The following DMD variants were observed in gnomAD, a reference collection of about 807,000 sequenced individuals.
DMD encodes the protein dystrophin, also known as mutant dystrophin.
In DMD, 63 loss-of-function variants were observed where a neutral mutation model predicts 330.1. The observed-to-expected ratio is 0.19, with a 90% CI of 0.16 to 0.24. The LOEUF is 0.24. Among genes scored for constraint, DMD ranks in the 10% least tolerant of loss-of-function variants. DMD has a pLI of 1.00. For synonymous variants in DMD, 1,223 were observed against 959.8 expected, an observed-to-expected ratio of 1.27 and a Z score of -5.07; for missense variants, 3,344 against 2,684.1, an observed-to-expected ratio of 1.25 and a Z score of -5.43.
intron 42 of DMD, among the ~76,000 whole-genome samples, chrX:32,295,746 C>T (rs1264649094): frequency 8.9e-6 from 1 of 112,009 alleles, no homozygotes; most frequent in African/African-American, 3.2e-5. Flanking sequence ...AGGTATGAAG[C>T]AACCCTTAAC....
intron 9 of DMD, among the ~76,000 whole-genome samples, chrX:32,661,735 A>T (rs1033331804): frequency 6.3e-5 from 7 of 111,396 alleles, no homozygotes; most frequent in African/African-American, 2.3e-4. Flanking sequence ...TTATAATATG[A>T]TTGTATATGG....
At chrX:32,638,633 A>C (rs1381444674) in intron 11 of DMD, among the ~76,000 whole-genome samples, 1 of 112,118 alleles carries the variant, frequency 8.9e-6, no homozygotes. Flanking sequence ...AAAATCAATG[A>C]ACTTACCAAA....
chrX:32,807,534 T>C (rs1311609467), intron 7 of DMD, among the ~76,000 whole-genome samples: 1 of 111,534 alleles, frequency 9.0e-6, no homozygotes, highest in Non-Finnish European at 1.9e-5. Flanking sequence ...ATGGTGATCT[T>C]ATAGGATATA....
chrX:32,503,474 A>G (rs1459557105), intron 18 of DMD, among the ~76,000 whole-genome samples: 1 of 112,600 alleles, frequency 8.9e-6, no homozygotes, highest in Non-Finnish European at 1.9e-5. Context: ...AATTATGTAA[A>G]TGCTTATACA....
At chrX:33,161,557 G>A (rs1462007980) in intron 1 of DMD, among the ~76,000 whole-genome samples, 1 of 111,340 alleles carries the variant, frequency 9.0e-6, no homozygotes, top group Non-Finnish European at 1.9e-5. Context: ...ACTAATGAGT[G>A]ACAACCAGGA....
rs368269067 is a variant in DMD, at chrX:32,786,086, AGTGTGT to A, written c.649+23401_649+23406del. Among the ~76,000 whole-genome samples, 243 of 96,557 alleles carry A rather than the reference AGTGTGT, an allele frequency of 2.5e-3. 1 individual carries two copies. Among genetic ancestry groups the A allele is most frequent in the African/African-American group, 6.0e-3 (154 of 25,826 alleles). 83.8% of individuals were successfully genotyped at this position (96,557 alleles called of 115,157 possible). The stretch of plus-strand genomic sequence containing the variant: ...CTCTTGCCTCTTGAGGAGGAATAAG[AGTGTGT>A]GTGTGTGTGTGTGTGTGTGTGTGTG... On this transcript the variant is annotated intron_variant, in intron 7 of 78. Transcript: ENST00000357033.
At chrX:31,368,575 C>T (rs1209356003) in intron 60 of DMD, among the ~76,000 whole-genome samples, 3 of 111,809 alleles carry the variant, frequency 2.7e-5, no homozygotes, top group Admixed American at 1.9e-4. Flanking sequence ...GAGAATTGCT[C>T]ATCTTTCTTT....
chrX:32,958,944 G>C (rs1264150744), intron 2 of DMD, among the ~76,000 whole-genome samples: 1 of 109,564 alleles, frequency 9.1e-6, no homozygotes, highest in East Asian at 2.9e-4. Context: ...TTTAAAACAG[G>C]CATACAGGAA....
At chrX:32,737,032 A>G (rs1226329900) in intron 7 of DMD, among the ~76,000 whole-genome samples, 2 of 111,487 alleles carry the variant, frequency 1.8e-5, no homozygotes, top group African/African-American at 6.5e-5. Flanking sequence ...TTAAAATATC[A>G]TGCTCATAAA....
chrX:31,655,084 A>C (rs935593096), intron 54 of DMD, among the ~76,000 whole-genome samples: 1 of 111,694 alleles, frequency 9.0e-6, no homozygotes, highest in African/African-American at 3.3e-5. Context: ...AATGTACCCT[A>C]AACTGCTTAA....
At position 32,644,241 on chromosome X, in the gene DMD, C is replaced by T; in HGVS notation, c.1222G>A (p.Gly408Arg). The change falls in exon 11 of 79, where the codon GGA becomes AGA. Residue 408 changes from glycine (G) to arginine (R), a missense_variant. By Grantham distance (125) the Gly-to-Arg change is moderately radical. Transcript: ENST00000357033. ...NILQLGSKLI[G>R]TGKLSEDEET... ...TCATCTTCTGATAATTTTCCTGTTC[C>T]AATCAGCTTACTTCCCAATTGTAGA... The T allele has an allele frequency of 8.3e-7, 1 of 1,210,874 alleles. No homozygotes were observed. Among genetic ancestry groups the T allele is most frequent in the Non-Finnish European group, 1.1e-6 (1 of 894,903 alleles).
At chrX:31,243,361 A>G (rs1299858283) in intron 63 of DMD, among the ~76,000 whole-genome samples, 4 of 111,976 alleles carry the variant, frequency 3.6e-5, no homozygotes, top group African/African-American at 1.3e-4. Context: ...TCCACTAAGG[A>G]TGGATAAAGG....
At chrX:31,406,338 CAT>C (rs1476765225) in intron 60 of DMD, among the ~76,000 whole-genome samples, 2 of 111,122 alleles carry the variant, frequency 1.8e-5, no homozygotes, top group East Asian at 5.6e-4. Flanking sequence ...ACCTCCATGA[CAT>C]GTGTTTACCT....
At chrX:32,736,687 A>G (rs1032063290) in intron 7 of DMD, among the ~76,000 whole-genome samples, 2 of 104,277 alleles carry the variant, frequency 1.9e-5, no homozygotes, top group Non-Finnish European at 3.9e-5. Context: ...AACACCACAT[A>G]TTCTCACTCA....
intron 5 of DMD, among the ~76,000 whole-genome samples, chrX:32,820,167 C>T (rs909024800): frequency 2.7e-5 from 3 of 112,440 alleles, no homozygotes; most frequent in African/African-American, 6.5e-5. Flanking sequence ...GGGCTGGGTG[C>T]GGTGGCTCAC....
At chrX:31,755,542 T>G (rs1426414816) in intron 51 of DMD, among the ~76,000 whole-genome samples, 1 of 111,478 alleles carries the variant, frequency 9.0e-6, no homozygotes, top group Non-Finnish European at 1.9e-5. Flanking sequence ...TACTAAAGTT[T>G]TGCTGTGGTT....
At chrX:31,867,691 C>T (rs982604489) in intron 48 of DMD, among the ~76,000 whole-genome samples, 1 of 110,959 alleles carries the variant, frequency 9.0e-6, no homozygotes, top group Non-Finnish European at 1.9e-5. Flanking sequence ...TTGTATGGGT[C>T]AACTATTATT....
chrX:31,394,953 G>A (rs933240592), intron 60 of DMD, among the ~76,000 whole-genome samples: 4 of 109,224 alleles, frequency 3.7e-5, no homozygotes, highest in Non-Finnish European at 7.6e-5. Context: ...GAGAGAGAGA[G>A]AGAGAGAGAC....
chrX:32,777,060 CT>C (rs112879482), intron 7 of DMD, among the ~76,000 whole-genome samples: 8,801 of 103,405 alleles, frequency 0.085, 965 homozygotes, highest in African/African-American at 0.29. Flanking sequence ...ATAAATTTGT[CT>C]TTTTTTTTTG....
Sources: allele counts gnomAD v4.1 joint callset (sites outside exome capture counted in the v4.1 genomes callset), GRCh38; gene constraint gnomAD v4.1.1; transcripts MANE v1.5; gene names NCBI Gene and HGNC (gene_info 2026-07-23, HGNC 2026-07-21).